Variants in GRM8 observed in about 807,000 individuals in gnomAD.
GRM8 encodes the protein metabotropic glutamate receptor 8.
Under a neutral mutation model 87.2 loss-of-function variants are expected in GRM8, and 47 were observed. That is an observed-to-expected ratio of 0.54 (90% CI 0.43 to 0.69). The LOEUF (loss-of-function observed/expected upper bound fraction) is 0.69. GRM8 is among the 30% of genes least tolerant of loss of function. The probability of loss-of-function intolerance (pLI) is 0.00; values close to 1 mark genes in which losing one functional copy is unlikely to be tolerated. For missense variants in GRM8, 1,019 were observed against 1,139.2 expected, an observed-to-expected ratio of 0.89 and a Z score of 1.52; for synonymous variants, 396 against 404.5, an observed-to-expected ratio of 0.98 and a Z score of 0.25.
intron 3 of GRM8, among the ~76,000 whole-genome samples, chr7:127,031,543 ATC>A (rs1255252258): frequency 6.6e-6 from 1 of 152,032 alleles, no homozygotes; most frequent in Non-Finnish European, 1.5e-5. Flanking sequence ...TTTTTATTGT[ATC>A]TCTCTGTTAC....
At chr7:127,208,596 C>T (rs1286402024) in intron 2 of GRM8, among the ~76,000 whole-genome samples, 5 of 152,220 alleles carry the variant, frequency 3.3e-5, no homozygotes, top group Non-Finnish European at 2.9e-5. Flanking sequence ...ACTCTAGAGC[C>T]GGTCTCTGCC....
At chr7:127,166,056 G>A (rs375432385) in intron 2 of GRM8, among the ~76,000 whole-genome samples, 3 of 151,998 alleles carry the variant, frequency 2.0e-5, no homozygotes, top group East Asian at 1.9e-4. Flanking sequence ...ATGCTTTTTC[G>A]CAAGGGAAAA....
At chr7:126,535,976 A>G (rs1037876779) in intron 8 of GRM8, among the ~76,000 whole-genome samples, 8 of 152,196 alleles carry the variant, frequency 5.3e-5, no homozygotes, top group African/African-American at 1.9e-4. Flanking sequence ...AAACACAGCT[A>G]ACCTGTTCCT....
At chr7:127,037,755 C>A (rs1817979790) in intron 3 of GRM8, among the ~76,000 whole-genome samples, 1 of 151,980 alleles carries the variant, frequency 6.6e-6, no homozygotes, top group African/African-American at 2.4e-5. Flanking sequence ...CTCAGCCCTG[C>A]AGAACACAGG....
chr7:127,015,001 AAAGAAGAAGAAGAAG>A (rs538403014), intron 3 of GRM8, among the ~76,000 whole-genome samples: 1,374 of 59,660 alleles, frequency 0.023, 35 homozygotes, highest in African/African-American at 0.043. Flanking sequence ...GAAGAAGAAG[AAAGAAGAAGAAGAAG>A]AAGAAGAAGA....
At chr7:126,603,156 G>A (rs568084308) in intron 8 of GRM8, among the ~76,000 whole-genome samples, 245 of 146,620 alleles carry the variant, frequency 1.7e-3, no homozygotes, top group Non-Finnish European at 2.9e-3. Context: ...CTCAATAGAT[G>A]CAGAAAAAGC....
chr7:126,589,631 C>T (rs953392952), intron 8 of GRM8, among the ~76,000 whole-genome samples: 7 of 152,200 alleles, frequency 4.6e-5, no homozygotes, highest in Admixed American at 1.3e-4. Context: ...GGCTCATGCT[C>T]TCTTGAAAGT....
intron 7 of GRM8, among the ~76,000 whole-genome samples, chr7:126,647,005 C>T (rs116459544): frequency 6.6e-6 from 1 of 152,114 alleles, no homozygotes; most frequent in Admixed American, 6.6e-5. Context: ...GCAATGTTGT[C>T]TTTCTCAGAT....
At chr7:126,557,340 C>T (rs1046337484) in intron 8 of GRM8, among the ~76,000 whole-genome samples, 37 of 152,312 alleles carry the variant, frequency 2.4e-4, no homozygotes, top group African/African-American at 7.0e-4. Context: ...CTGACAGAGA[C>T]GGGCTCAGGT....
intron 9 of GRM8, among the ~76,000 whole-genome samples, chr7:126,486,234 A>C (rs1212554528): frequency 6.6e-6 from 1 of 152,084 alleles, no homozygotes; most frequent in Non-Finnish European, 1.5e-5. Flanking sequence ...CAGAGGCTGC[A>C]CATTTGAATG....
At chr7:126,602,595 C>T (rs1183254681) in intron 8 of GRM8, among the ~76,000 whole-genome samples, 1 of 139,486 alleles carries the variant, frequency 7.2e-6, no homozygotes, top group East Asian at 2.3e-4. Context: ...TGTTTGTATC[C>T]TCTTTTATTT....
At chr7:127,059,314 TA>T (rs1820361534) in intron 3 of GRM8, among the ~76,000 whole-genome samples, 1 of 149,976 alleles carries the variant, frequency 6.7e-6, no homozygotes, top group South Asian at 2.1e-4. Flanking sequence ...TTGGTTCATA[TA>T]AATTTTTTTT....
intron 3 of GRM8, among the ~76,000 whole-genome samples, chr7:126,907,280 AAGAAAGG>A (rs1802808232): frequency 2.1e-5 from 3 of 144,454 alleles, no homozygotes; most frequent in African/African-American, 7.8e-5. Context: ...GAGGAGGAAG[AAGAAAGG>A]GGAGGAGGAA....
intron 10 of GRM8, 23 bp downstream of exon 10, chr7:126,446,103 C>T (rs146609882): frequency 4.3e-6 from 7 of 1,612,338 alleles, no homozygotes; most frequent in South Asian, 1.1e-5. Flanking sequence ...TCTTGACCAT[C>T]GGAAACTCTA....
At chr7:126,559,666 G>A (rs1476017821) in intron 8 of GRM8, among the ~76,000 whole-genome samples, 2 of 152,202 alleles carry the variant, frequency 1.3e-5, no homozygotes, top group Admixed American at 6.5e-5. Flanking sequence ...GTGGTGGACA[G>A]TGTGTTTAGA....
chr7:126,493,703 T>C (rs528421552), intron 9 of GRM8, among the ~76,000 whole-genome samples: 4 of 152,156 alleles, frequency 2.6e-5, no homozygotes, highest in Non-Finnish European at 5.9e-5. Context: ...CCCTGACCTC[T>C]ATCAGGGTGC....
intron 7 of GRM8, among the ~76,000 whole-genome samples, chr7:126,698,674 T>C (rs554844373): frequency 6.6e-6 from 1 of 152,266 alleles, no homozygotes; most frequent in Non-Finnish European, 1.5e-5. Context: ...ATTTAACAAC[T>C]GTCATAAATG....
intron 7 of GRM8, among the ~76,000 whole-genome samples, chr7:126,745,833 C>A (rs937638938): frequency 6.6e-6 from 1 of 151,698 alleles, no homozygotes; most frequent in Non-Finnish European, 1.5e-5. Context: ...ATATTAAATA[C>A]CACCCTCACA....
chr7:126,770,169 G>A (rs1259067088), intron 6 of GRM8, 104 bp from the exon 7 acceptor site: 9 of 718,634 alleles, frequency 1.3e-5, no homozygotes, highest in African/African-American at 5.4e-5. Context: ...AATGAGACAC[G>A]ACTATTTGAT....
Sources: allele counts gnomAD v4.1 joint callset (sites outside exome capture counted in the v4.1 genomes callset), GRCh38; gene constraint gnomAD v4.1.1; transcripts MANE v1.5; gene names NCBI Gene and HGNC (gene_info 2026-07-23, HGNC 2026-07-21).